The following LHX8 variants were observed in gnomAD, a reference collection of about 807,000 sequenced individuals.
LHX8 encodes LIM/homeobox protein Lhx8.
Under a neutral mutation model 40.3 loss-of-function variants are expected in LHX8, and 12 were observed. That is an observed-to-expected ratio of 0.30 (90% CI 0.19 to 0.48). The LOEUF is 0.48. Ranked by LOEUF, LHX8 falls within the 20% of genes least tolerant of loss-of-function variation. LHX8 has a pLI of 0.99. For synonymous variants in LHX8, 179 were observed against 162.0 expected (o/e 1.10, Z -0.80); for missense variants, 344 against 433.7 (o/e 0.79, Z 1.84).
chr1:75,154,326 T>C (rs1648696785), intron 7 of LHX8, among the ~76,000 whole-genome samples: 1 of 152,120 alleles, frequency 6.6e-6, no homozygotes. Flanking sequence ...AAGAAGCTGC[T>C]TAACAAGATA....
chr1:75,174,951 A>G, the LHX8 span, among the ~76,000 whole-genome samples: 75 of 152,192 alleles, frequency 4.9e-4, no homozygotes, highest in Non-Finnish European at 8.5e-4. Context: ...TGTGGTTTTT[A>G]TCCCTCACCC....
chr1:75,164,219 A>G (rs1242207916), downstream of LHX8, among the ~76,000 whole-genome samples: 1 of 152,140 alleles, frequency 6.6e-6, no homozygotes, highest in Non-Finnish European at 1.5e-5. Context: ...GGGTATTTTG[A>G]TATGTATTCA....
Position 75,134,944 on chromosome 1 carries a change from C to T in LHX8, c.-23C>T. On this transcript the variant is annotated 5_prime_UTR_variant, in exon 1 of 9. Transcript: ENST00000356261. Reference sequence around the variant, plus strand: ...GATGAAGCCTCGAGCCTAAGGCGCTCTCAGGTCCATGTGAGTCGTGCTTTT... The same window carrying T: ...GATGAAGCCTCGAGCCTAAGGCGCTTTCAGGTCCATGTGAGTCGTGCTTTT... The T allele has an allele frequency of 1.0e-6, 1 of 985,324 alleles. No homozygotes were observed. The highest frequency in any genetic ancestry group is 1.7e-5 in the African/African-American group (1 of 57,350). The allele number at this position is 985,324 out of a possible 1,614,324, so 61.0% of individuals were successfully genotyped here.
At chr1:75,198,841 G>A in the LHX8 span, among the ~76,000 whole-genome samples, 1 of 152,280 alleles carries the variant, frequency 6.6e-6, no homozygotes, top group Non-Finnish European at 1.5e-5. Flanking sequence ...TTGAGTTGGA[G>A]GAAAGGAAAT....
At chr1:75,197,642 G>GT in the LHX8 span, among the ~76,000 whole-genome samples, 1 of 152,030 alleles carries the variant, frequency 6.6e-6, no homozygotes, top group East Asian at 1.9e-4. Context: ...TTTAAACATG[G>GT]TTTTTTCTTT....
intron 7 of LHX8, among the ~76,000 whole-genome samples, chr1:75,153,561 G>A (rs1648673187): frequency 6.6e-6 from 1 of 151,244 alleles, no homozygotes; most frequent in African/African-American, 2.4e-5. Flanking sequence ...ACAGGCACCT[G>A]CCATCATGAC....
upstream of LHX8, among the ~76,000 whole-genome samples, chr1:75,129,436 C>T (rs979652355): frequency 6.6e-6 from 1 of 152,102 alleles, no homozygotes; most frequent in African/African-American, 2.4e-5. Context: ...ATTCTTGGGC[C>T]AACTTTTTTT....
intron 5 of LHX8, 40 bp downstream of exon 5, chr1:75,143,378 G>A (rs766738323): frequency 2.8e-6 from 4 of 1,426,430 alleles, no homozygotes; most frequent in Non-Finnish European, 3.9e-6. Flanking sequence ...TTTTGAGACA[G>A]TGAATACAGG....
chr1:75,150,420 G>A (rs1244172057), intron 7 of LHX8, among the ~76,000 whole-genome samples: 2 of 152,134 alleles, frequency 1.3e-5, no homozygotes, highest in East Asian at 1.9e-4. Flanking sequence ...CAGGACTCAA[G>A]CAAAGAGATC....
chr1:75,168,773 G>A, the LHX8 span, among the ~76,000 whole-genome samples: 18 of 152,236 alleles, frequency 1.2e-4, no homozygotes, highest in African/African-American at 3.9e-4. Context: ...TCCAATTCCA[G>A]TCCAGCCTCT....
At chr1:75,160,081 AT>A (rs1229952443) in intron 8 of LHX8, 1 of 148,288 alleles carries the variant, frequency 6.7e-6, no homozygotes, top group East Asian at 1.9e-4. Context: ...CCTATCAGAC[AT>A]TTGTTTTGTT....
chr1:75,190,555 T>A, the LHX8 span, among the ~76,000 whole-genome samples: 1 of 152,304 alleles, frequency 6.6e-6, no homozygotes, highest in South Asian at 2.1e-4. Context: ...CAACCAGATA[T>A]CATTTATCTT....
intron 6 of LHX8, among the ~76,000 whole-genome samples, chr1:75,147,247 T>C (rs1452166453): frequency 6.6e-6 from 1 of 152,004 alleles, no homozygotes; most frequent in Non-Finnish European, 1.5e-5. Context: ...GAAGGGTAAA[T>C]TTGTAAATCT....
the LHX8 span, among the ~76,000 whole-genome samples, chr1:75,169,512 G>C: frequency 6.6e-6 from 1 of 152,180 alleles, no homozygotes; most frequent in East Asian, 1.9e-4. Flanking sequence ...GAGGTGGGTG[G>C]GTGCTCTGAA....
upstream of LHX8, chr1:75,131,741 G>C (rs1473986557): frequency 6.6e-6 from 1 of 152,272 alleles, no homozygotes; most frequent in Non-Finnish European, 1.5e-5. Context: ...TGTTTTTAGG[G>C]AGATACACTC....
chr1:75,135,006 A>T (rs1249660731), intron 1 of LHX8, 52 bp downstream of exon 1: 1 of 892,994 alleles, frequency 1.1e-6, no homozygotes, highest in African/African-American at 1.8e-5. Flanking sequence ...GGTCCGGGAG[A>T]GTGGGTCGGG....
At chr1:75,156,277 T>G (rs558746988) in intron 7 of LHX8, among the ~76,000 whole-genome samples, 1 of 152,146 alleles carries the variant, frequency 6.6e-6, no homozygotes, top group African/African-American at 2.4e-5. Flanking sequence ...AGTCTTGCTA[T>G]GTCGCCCAGG....
At chr1:75,129,000 G>T (rs1231409583) in intron 1 of LHX8, among the ~76,000 whole-genome samples, 1 of 152,162 alleles carries the variant, frequency 6.6e-6, no homozygotes, top group Non-Finnish European at 1.5e-5. Context: ...GCCTTTGGTG[G>T]CTCCTCTACA....
At chr1:75,174,759 G>GATAGA in the LHX8 span, among the ~76,000 whole-genome samples, 37 of 152,058 alleles carry the variant, frequency 2.4e-4, no homozygotes, top group Admixed American at 6.6e-5. Context: ...CATGGTAGCA[G>GATAGA]ATAGAATATA....
Sources: allele counts gnomAD v4.1 joint callset (sites outside exome capture counted in the v4.1 genomes callset), GRCh38; gene constraint gnomAD v4.1.1; transcripts MANE v1.5; gene names NCBI Gene and HGNC (gene_info 2026-07-23, HGNC 2026-07-21).